Variants in PITPNC1 observed in about 807,000 individuals in gnomAD.
PITPNC1 encodes the protein cytoplasmic phosphatidylinositol transfer protein 1.
In PITPNC1, 18 loss-of-function variants were observed where a neutral mutation model predicts 44.7. The observed-to-expected ratio is 0.40, with a 90% CI of 0.28 to 0.60. The LOEUF is 0.60. PITPNC1 is among the 20% of genes least tolerant of loss of function. The pLI is 0.39. For missense variants in PITPNC1, 290 were observed against 418.4 expected (o/e 0.69, Z 2.68); for synonymous variants, 141 against 149.6 (o/e 0.94, Z 0.42).
At chr17:67,420,730 C>A (rs2038661104) in intron 1 of PITPNC1, among the ~76,000 whole-genome samples, 1 of 152,198 alleles carries the variant, frequency 6.6e-6, no homozygotes, top group Non-Finnish European at 1.5e-5. Flanking sequence ...CTGCGCCCGG[C>A]CTCACTTCTG....
intron 5 of PITPNC1, among the ~76,000 whole-genome samples, chr17:67,599,026 A>ATTTT (rs2041501882): frequency 7.1e-4 from 23 of 32,452 alleles, no homozygotes; most frequent in African/African-American, 3.3e-3. Context: ...ATATATATAT[A>ATTTT]TATATATATT....
intron 4 of PITPNC1, among the ~76,000 whole-genome samples, chr17:67,573,556 C>CTTTTTTTTT (rs35434515): frequency 2.4e-5 from 2 of 84,052 alleles, no homozygotes; most frequent in African/African-American, 5.2e-5. Context: ...ACTGAATACT[C>CTTTTTTTTT]TTTTTTTTTT....
At chr17:67,498,505 T>C (rs1381012066) in intron 1 of PITPNC1, among the ~76,000 whole-genome samples, 1 of 152,222 alleles carries the variant, frequency 6.6e-6, no homozygotes, top group East Asian at 1.9e-4. Context: ...GCAATGAACT[T>C]GGGTGTGCAA....
chr17:67,579,406 T>C (rs1206925802), intron 5 of PITPNC1, among the ~76,000 whole-genome samples: 1 of 152,046 alleles, frequency 6.6e-6, no homozygotes, highest in Admixed American at 6.6e-5. Flanking sequence ...GAGAGAAAAA[T>C]ACAGCTGGCA....
At chr17:67,459,086 C>T (rs1427315652) in intron 1 of PITPNC1, among the ~76,000 whole-genome samples, 2 of 142,982 alleles carry the variant, frequency 1.4e-5, no homozygotes, top group African/African-American at 5.2e-5. Flanking sequence ...GATCCTAACT[C>T]TCTTTGGGGC....
chr17:67,668,629 C>A (rs968151707), intron 6 of PITPNC1, among the ~76,000 whole-genome samples: 1 of 151,932 alleles, frequency 6.6e-6, no homozygotes, highest in African/African-American at 2.4e-5. Context: ...TTTGGGAGGC[C>A]GAGGCGGGCA....
chr17:67,492,869 G>A (rs775107348), intron 1 of PITPNC1, among the ~76,000 whole-genome samples: 3 of 152,244 alleles, frequency 2.0e-5, no homozygotes, highest in Admixed American at 6.5e-5. Flanking sequence ...AGTGTTCCAC[G>A]GTGTGAATAT....
At chr17:67,547,964 G>T (rs2040707285) in intron 2 of PITPNC1, among the ~76,000 whole-genome samples, 1 of 152,170 alleles carries the variant, frequency 6.6e-6, no homozygotes, top group Non-Finnish European at 1.5e-5. Flanking sequence ...GTGGTGGTGG[G>T]GGGCGGCTAT....
intron 2 of PITPNC1, among the ~76,000 whole-genome samples, chr17:67,550,836 T>C (rs1034869844): frequency 4.6e-5 from 7 of 151,788 alleles, no homozygotes; most frequent in South Asian, 4.2e-4. Flanking sequence ...CCGAGGCGGG[T>C]GGATCATGAG....
intron 6 of PITPNC1, among the ~76,000 whole-genome samples, chr17:67,664,837 G>A (rs551293379): frequency 2.6e-5 from 4 of 151,696 alleles, no homozygotes; most frequent in South Asian, 2.1e-4. Context: ...CCCAGAAGGC[G>A]GAGATTGCAG....
At chr17:67,532,637 T>C (rs1426369391) in intron 1 of PITPNC1, among the ~76,000 whole-genome samples, 165 bp from the exon 2 acceptor site, 1 of 152,090 alleles carries the variant, frequency 6.6e-6, no homozygotes, top group African/African-American at 2.4e-5. Flanking sequence ...CACAACTGGT[T>C]CTCTCCCTAG....
chr17:67,664,096 T>A (rs914514044), intron 6 of PITPNC1, among the ~76,000 whole-genome samples: 2 of 152,156 alleles, frequency 1.3e-5, no homozygotes, highest in Non-Finnish European at 2.9e-5. Context: ...CCCGAGTACC[T>A]GGGACTACAG....
At position 67,553,701 on chromosome 17, in the gene PITPNC1, A is replaced by G. The variant is rs924585557; in HGVS notation, c.294+84A>G. The G allele has an allele frequency of 1.6e-5, 8 of 506,432 alleles. No homozygotes were observed. In the African/African-American group the frequency reaches 1.6e-4, roughly 10 times the overall value. 31.4% of individuals were successfully genotyped at this position (506,432 alleles called of 1,614,324 possible). On this transcript the variant is annotated intron_variant, in intron 4 of 8. Transcript: ENST00000581322. ...TGTCTCTTGTATTACTTGTCTTATC[A>G]ATGTAATAATTAAAAAGGGGAATAA...
rs150351764 is a variant in PITPNC1 at position 67,477,569 on chromosome 17, A to ATT, written c.49-55231_49-55230dup. ...CTGCCCAGCTCATTTTTATTTATTT[A>ATT]TTTATTTTTTGGTAGAGACAGGGTC... On this transcript the variant is annotated intron_variant, in intron 1 of 8. Transcript: ENST00000581322. Among the ~76,000 whole-genome samples, 986 of 150,284 alleles carry ATT rather than the reference A, an allele frequency of 6.6e-3. 8 individuals are homozygous for ATT. Among genetic ancestry groups the ATT allele is most frequent in the Non-Finnish European group, 0.011 (724 of 67,536 alleles).
chr17:67,495,039 TGTTTTTTTTTTTG>T (rs1254565870), intron 1 of PITPNC1, among the ~76,000 whole-genome samples: 2,491 of 84,272 alleles, frequency 0.03, 158 homozygotes, highest in African/African-American at 0.082. Context: ...GCCATGGAGT[TGTTTTTTTTTTTG>T]TTTTTTTTTT....
chr17:67,644,881 C>T (rs562554147), intron 6 of PITPNC1, among the ~76,000 whole-genome samples: 1 of 152,240 alleles, frequency 6.6e-6, no homozygotes, highest in Non-Finnish European at 1.5e-5. Context: ...GTCAGCATCA[C>T]CCAGGGAGGT....
intron 4 of PITPNC1, among the ~76,000 whole-genome samples, chr17:67,575,964 C>T (rs760481601): frequency 6.9e-6 from 1 of 144,810 alleles, no homozygotes; most frequent in Non-Finnish European, 1.5e-5. Context: ...GCAACCTCCA[C>T]GTCCCAGGTT....
At chr17:67,474,744 T>C (rs2039600647) in intron 1 of PITPNC1, among the ~76,000 whole-genome samples, 1 of 152,086 alleles carries the variant, frequency 6.6e-6, no homozygotes, top group African/African-American at 2.4e-5. Flanking sequence ...AGCCTTGACC[T>C]CCCGGGCTCA....
chr17:67,391,060 C>CGTGTGTGTGTGTGTGTGTGTGT (rs80236076), intron 1 of PITPNC1, among the ~76,000 whole-genome samples: 183 of 146,886 alleles, frequency 1.2e-3, no homozygotes, highest in African/African-American at 4.3e-3. Flanking sequence ...ACTTTTTTAG[C>CGTGTGTGTGTGTGTGTGTGTGT]GTGTGTGTGT....
Sources: allele counts gnomAD v4.1 joint callset (sites outside exome capture counted in the v4.1 genomes callset), GRCh38; gene constraint gnomAD v4.1.1; transcripts MANE v1.5; gene names NCBI Gene and HGNC (gene_info 2026-07-23, HGNC 2026-07-21).